MMP16: variants seen among roughly 807,000 people sequenced by gnomAD.
The protein encoded by MMP16 is matrix metallopeptidase 16.
MMP16 carries 12 observed loss-of-function variants against 67.8 expected under a neutral mutation model. The observed-to-expected ratio is 0.18, with a 90% confidence interval of 0.11 to 0.29. The LOEUF is 0.29. Ranked by LOEUF, MMP16 falls within the 10% of genes least tolerant of loss-of-function variation. The pLI is 1.00. For missense variants in MMP16, 475 were observed against 765.7 expected, an observed-to-expected ratio of 0.62 and a Z score of 4.48; for synonymous variants, 249 against 255.9, an observed-to-expected ratio of 0.97 and a Z score of 0.26.
At chr8:88,112,368 C>A (rs1809351320) in intron 6 of MMP16, among the ~76,000 whole-genome samples, 1 of 151,516 alleles carries the variant, frequency 6.6e-6, no homozygotes, top group Non-Finnish European at 1.5e-5. Context: ...TTTTACACAA[C>A]AAAATAACTA....
chr8:88,294,573 T>G (rs1438706494), intron 1 of MMP16, among the ~76,000 whole-genome samples: 1 of 143,418 alleles, frequency 7.0e-6, no homozygotes, highest in African/African-American at 2.7e-5. Context: ...CACACATATG[T>G]ATATATGTCT....
intron 6 of MMP16, among the ~76,000 whole-genome samples, chr8:88,078,706 AC>A (rs1808694535): frequency 6.6e-6 from 1 of 152,160 alleles, no homozygotes. Flanking sequence ...AAAACAAAAA[AC>A]AAAAAAACCT....
At chr8:88,235,518 A>G (rs1024952500) in intron 1 of MMP16, among the ~76,000 whole-genome samples, 1 of 152,122 alleles carries the variant, frequency 6.6e-6, no homozygotes. Context: ...TGAGAAAAAT[A>G]GTACAGGGTT....
intron 1 of MMP16, among the ~76,000 whole-genome samples, chr8:88,203,905 A>C (rs1809384877): frequency 6.6e-6 from 1 of 152,228 alleles, no homozygotes; most frequent in South Asian, 2.1e-4. Context: ...ATGAGAAACA[A>C]AAATCTTTTA....
intron 1 of MMP16, among the ~76,000 whole-genome samples, chr8:88,279,678 G>A (rs1810702187): frequency 6.6e-6 from 1 of 152,124 alleles, no homozygotes; most frequent in Non-Finnish European, 1.5e-5. Flanking sequence ...CACTGTAAAC[G>A]GGGCCACTGC....
At chr8:88,177,734 T>G (rs1391111951) in intron 3 of MMP16, among the ~76,000 whole-genome samples, 1 of 152,156 alleles carries the variant, frequency 6.6e-6, no homozygotes, top group East Asian at 1.9e-4. Context: ...TCAACCTCCT[T>G]TTGCCTTCGT....
intron 7 of MMP16, among the ~76,000 whole-genome samples, chr8:88,057,064 T>A (rs1045146930): frequency 3.9e-5 from 6 of 152,114 alleles, no homozygotes; most frequent in Non-Finnish European, 5.9e-5. Context: ...CAAGTTTCAG[T>A]CCACTGAAGC....
intron 6 of MMP16, among the ~76,000 whole-genome samples, chr8:88,110,576 C>G (rs896917211): frequency 6.6e-6 from 1 of 151,566 alleles, no homozygotes; most frequent in African/African-American, 2.4e-5. Context: ...TGGAATTAAG[C>G]TGTGACTGAA....
At chr8:88,267,578 T>C (rs1810494453) in intron 1 of MMP16, among the ~76,000 whole-genome samples, 1 of 152,230 alleles carries the variant, frequency 6.6e-6, no homozygotes, top group Non-Finnish European at 1.5e-5. Flanking sequence ...ACCTACTAAA[T>C]GCTCACTGAA....
At chr8:88,074,780 T>A (rs781221108) in intron 6 of MMP16, 37 bp from the exon 7 acceptor site, 18 of 1,597,822 alleles carry the variant, frequency 1.1e-5, no homozygotes, top group Non-Finnish European at 1.5e-5. Flanking sequence ...AACAAACACG[T>A]AGGCCTCCCT....
At chr8:88,225,861 C>T (rs964043369) in intron 1 of MMP16, among the ~76,000 whole-genome samples, 4 of 151,898 alleles carry the variant, frequency 2.6e-5, no homozygotes, top group African/African-American at 4.8e-5. Flanking sequence ...GACACTGTAC[C>T]TTATTCTTTC....
Position 88,039,033 on chromosome 8 carries a change from G to A in MMP16, c.*2428C>T, listed in dbSNP as rs1227697762. ...TTTTCCCCAACCAAATCATAAACAT[G>A]TAGTTTAACCAAAAGGCATTCTAAT... On this transcript the variant is annotated 3_prime_UTR_variant, in exon 10 of 10. Coordinates refer to ENST00000286614, the MANE Select transcript of MMP16 (RefSeq NM_005941.5). This position sits in a 1 kb window ranked among gnomAD's most constrained non-coding sequence, Gnocchi z 4.5. 1 of 152,470 alleles carries A rather than the reference G, an allele frequency of 6.6e-6. No homozygotes were observed. Among genetic ancestry groups the A allele is most frequent in the Non-Finnish European group, 1.5e-5 (1 of 67,994 alleles). 9.4% of individuals were successfully genotyped at this position (152,470 alleles called of 1,614,324 possible). A position where few individuals can be genotyped will look rare whatever the true frequency, so the allele number is the denominator to read the frequency against.
chr8:88,073,232 C>T (rs1808591494), intron 7 of MMP16, among the ~76,000 whole-genome samples: 1 of 152,184 alleles, frequency 6.6e-6, no homozygotes, highest in African/African-American at 2.4e-5. Flanking sequence ...AGGTGGTATC[C>T]TTGCTTTGTC....
At chr8:88,158,842 A>G (rs1808561900) in intron 4 of MMP16, among the ~76,000 whole-genome samples, 1 of 152,178 alleles carries the variant, frequency 6.6e-6, no homozygotes, top group Non-Finnish European at 1.5e-5. Flanking sequence ...TAATTTTTGT[A>G]TAAGGTGTAA....
intron 4 of MMP16, among the ~76,000 whole-genome samples, chr8:88,123,353 C>T (rs540772553): frequency 6.6e-6 from 1 of 152,030 alleles, no homozygotes; most frequent in South Asian, 2.1e-4. Context: ...TCTGAAGGAA[C>T]GTCTGTGATT....
chr8:88,049,524 A>ACC (rs1808243140), intron 8 of MMP16, among the ~76,000 whole-genome samples: 1 of 152,180 alleles, frequency 6.6e-6, no homozygotes. Context: ...AGAAACAGTC[A>ACC]AATACCTATT....
intron 6 of MMP16, among the ~76,000 whole-genome samples, chr8:88,087,343 C>G (rs1248150617): frequency 6.6e-6 from 1 of 151,844 alleles, no homozygotes; most frequent in Non-Finnish European, 1.5e-5. Flanking sequence ...TTAAACTATG[C>G]CTCCTATTCC....
At chr8:88,066,726 C>T (rs903057543) in intron 7 of MMP16, among the ~76,000 whole-genome samples, 1 of 151,664 alleles carries the variant, frequency 6.6e-6, no homozygotes, top group Non-Finnish European at 1.5e-5. Flanking sequence ...AAAAACCCAC[C>T]CCACACATGT....
At chr8:88,171,873 C>A (rs1302244987) in intron 3 of MMP16, among the ~76,000 whole-genome samples, 1 of 150,384 alleles carries the variant, frequency 6.6e-6, no homozygotes, top group Admixed American at 6.6e-5. Flanking sequence ...GTCACCTAGG[C>A]TGGAGTGCAG....
Sources: allele counts gnomAD v4.1 joint callset (sites outside exome capture counted in the v4.1 genomes callset), GRCh38; gene constraint gnomAD v4.1.1; non-coding constraint Gnocchi (gnomAD v3.1); transcripts MANE v1.5; gene names NCBI Gene and HGNC (gene_info 2026-07-23, HGNC 2026-07-21).